Variants in GPAT4 observed in about 807,000 individuals in gnomAD.
The protein encoded by GPAT4 is 1-AGP acyltransferase 6.
GPAT4 carries 17 observed loss-of-function variants against 58.0 expected under a neutral mutation model. The ratio of observed to expected loss-of-function variants is 0.29; its 90% CI spans 0.20 to 0.44. GPAT4 has a LOEUF of 0.44. Ranked by LOEUF, GPAT4 falls within the 20% of genes least tolerant of loss-of-function variation. The pLI, the probability that GPAT4 is intolerant of heterozygous loss-of-function variation, is 1.00. For synonymous variants in GPAT4, 204 were observed against 210.1 expected, an observed-to-expected ratio of 0.97 and a Z score of 0.25; for missense variants, 377 against 574.5, an observed-to-expected ratio of 0.66 and a Z score of 3.51.
rs1375057096 is a variant in GPAT4, at chr8:41,621,012, A to G, written c.*11A>G. The G allele has an allele frequency of 6.4e-7, 1 of 1,550,612 alleles. No homozygotes were observed. Among genetic ancestry groups the G allele is most frequent in the African/African-American group, 1.4e-5 (1 of 73,048 alleles). ...AGGAGCCGCTCCTGAGCCTGCCTCCAGCTGGCTGGGGCCACCGTGCGGGGT... is the reference window on the plus strand; with the variant it reads ...AGGAGCCGCTCCTGAGCCTGCCTCCGGCTGGCTGGGGCCACCGTGCGGGGT... On this transcript the variant is annotated 3_prime_UTR_variant, in exon 13 of 13. Transcript: ENST00000396987.
chr8:41,614,914 G>A (rs373649698), intron 9 of GPAT4, 49 bp from the exon 10 acceptor site: 1 of 1,486,758 alleles, frequency 6.7e-7, no homozygotes, highest in Non-Finnish European at 9.4e-7. Flanking sequence ...CCTAATATCT[G>A]GGGTAAAGGG....
Position 41,622,152 on chromosome 8 carries a change from T to TGC in GPAT4, c.*1153_*1154dup, listed in dbSNP as rs760664491. The TGC allele has an allele frequency of 9.5e-5, 14 of 147,738 alleles. No homozygotes were observed. Among genetic ancestry groups the TGC allele is most frequent in the Non-Finnish European group, 1.9e-4 (13 of 67,476 alleles). The allele number at this position is 147,738 out of a possible 1,614,324, so 9.2% of individuals were successfully genotyped here. A position where few individuals can be genotyped will look rare whatever the true frequency, so the allele number is the denominator to read the frequency against. On this transcript the variant is annotated 3_prime_UTR_variant, in exon 13 of 13. Coordinates refer to ENST00000396987, the MANE Select transcript of GPAT4 (RefSeq NM_178819.4). The stretch of plus-strand genomic sequence containing the variant: ...TGGATTTCTCCAGAGACGGGGTGTG[T>TGC]GCGGGTCGCTGATGTGAGGCCTAGG...
intron 12 of GPAT4, 23 bp from the exon 13 acceptor site, chr8:41,620,870 A>G (rs757595338): frequency 1.0e-5 from 16 of 1,549,814 alleles, no homozygotes; most frequent in East Asian, 4.9e-5. Flanking sequence ...GGCTGTTACT[A>G]CATCCAGCCT....
chr8:41,599,348 G>C lies in GPAT4; in HGVS notation c.165+44G>C, dbSNP rs1285103825. The stretch of plus-strand genomic sequence containing the variant: ...AAAGGTTGCTTCACAGAGGAGGGTA[G>C]AAGTGCATTTAGCAAAAAGTTATTC... On this transcript the variant is annotated intron_variant, in intron 2 of 12. Transcript: ENST00000396987. The C allele has an allele frequency of 3.8e-6, 6 of 1,596,264 alleles. No homozygotes were observed. The East Asian group carries it at 1.1e-4, about 30-fold the overall frequency.
chr8:41,616,778 C>T (rs2150506340), intron 10 of GPAT4, among the ~76,000 whole-genome samples: 1 of 152,340 alleles, frequency 6.6e-6, no homozygotes, highest in Middle Eastern at 3.4e-3. Context: ...ATTTAGTCCA[C>T]AGAGTAGAGC....
chr8:41,596,104 T>G (rs1802924508), intron 1 of GPAT4, among the ~76,000 whole-genome samples: 1 of 152,194 alleles, frequency 6.6e-6, no homozygotes, highest in Non-Finnish European at 1.5e-5. Context: ...TGGCCAAACT[T>G]AGAACACAAA....
chr8:41,596,434 A>G (rs1563271769), intron 1 of GPAT4, among the ~76,000 whole-genome samples: 1 of 152,248 alleles, frequency 6.6e-6, no homozygotes, highest in Non-Finnish European at 1.5e-5. Context: ...CCGTACAGCC[A>G]TGCTGTGGGT....
rs1449350195 is a variant in GPAT4 at position 41,580,490 on chromosome 8, C to G, written c.-849+2212C>G. ...TTTCCTAGCAAAATTTATGCTATTACATTTCCTTATCTCAACAAAGACTGG... is the reference window on the plus strand; with the variant it reads ...TTTCCTAGCAAAATTTATGCTATTAGATTTCCTTATCTCAACAAAGACTGG... On this transcript the variant is annotated intron_variant, in intron 1 of 12. Transcript: ENST00000396987. Among the ~76,000 whole-genome samples the G allele has an allele frequency of 5.3e-5, 8 of 152,300 alleles. No individual in the cohort carries two copies. The South Asian group carries it at 1.0e-3, about 20-fold the overall frequency.
At chr8:41,581,692 A>G (rs1422838734) in intron 1 of GPAT4, among the ~76,000 whole-genome samples, 4 of 145,170 alleles carry the variant, frequency 2.8e-5, no homozygotes, top group African/African-American at 1.0e-4. Context: ...GCAGTGGCGC[A>G]ATCTCGGCTC....
rs1803857697 is a variant in GPAT4, at chr8:41,624,566, C to G, written c.*3565C>G. ...CTCGGCTTCTCCAGGTGCACTTGTC[C>G]CAGGTGGCCCGGTCCGTAGGCTGGA... On this transcript the variant is annotated 3_prime_UTR_variant, in exon 13 of 13. Transcript: ENST00000396987. The G allele has an allele frequency of 6.6e-6, 1 of 152,188 alleles. No individual in the cohort carries two copies. Among genetic ancestry groups the G allele is most frequent in the Non-Finnish European group, 1.5e-5 (1 of 68,068 alleles). The allele number at this position is 152,188 out of a possible 1,614,324, so 9.4% of individuals were successfully genotyped here. A position where few individuals can be genotyped will look rare whatever the true frequency, so the allele number is the denominator to read the frequency against.
chr8:41,610,011 G>T, intron 4 of GPAT4, 56 bp downstream of exon 4: 1 of 1,543,162 alleles, frequency 6.5e-7, no homozygotes, highest in Non-Finnish European at 8.7e-7. Flanking sequence ...GTGGTGCACA[G>T]CCCACCTGCC....
intron 1 of GPAT4, among the ~76,000 whole-genome samples, chr8:41,591,779 A>G (rs1311959651): frequency 6.6e-6 from 1 of 152,206 alleles, no homozygotes; most frequent in Non-Finnish European, 1.5e-5. Context: ...CTGTGTCTTC[A>G]ACTACTGGCC....
chr8:41,591,313 C>A (rs1802783694), intron 1 of GPAT4, among the ~76,000 whole-genome samples: 1 of 152,134 alleles, frequency 6.6e-6, no homozygotes, highest in Non-Finnish European at 1.5e-5. Context: ...CTGTGGATTC[C>A]ATTTCTGCCT....
In GPAT4 at chr8:41,609,499, G is replaced by A. The variant is rs1398447682; in HGVS notation, c.235+14G>A. 3.7e-6 allele frequency: 6 copies of A among 1,613,758 alleles called. No individual in the cohort carries two copies. Among genetic ancestry groups the A allele is most frequent in the Non-Finnish European group, 4.2e-6 (5 of 1,179,746 alleles). ...CCTACACCAACGGTAAGATGGGGGT[G>A]TGATCCTTGTCCTGAGAGGTCCATT... On this transcript the variant is annotated intron_variant, in intron 3 of 12. Transcript: ENST00000396987.
At chr8:41,585,248 A>G (rs553505460) in intron 1 of GPAT4, among the ~76,000 whole-genome samples, 1 of 152,304 alleles carries the variant, frequency 6.6e-6, no homozygotes, top group South Asian at 2.1e-4. Flanking sequence ...CTGACAGTAA[A>G]CTAGGAGAAA....
intron 1 of GPAT4, among the ~76,000 whole-genome samples, chr8:41,586,565 C>T (rs902034935): frequency 2.6e-5 from 4 of 152,162 alleles, no homozygotes; most frequent in African/African-American, 9.7e-5. Flanking sequence ...TACCTGCCAA[C>T]CATAGCACCA....
At chr8:41,619,606 T>C (rs1803691771) in intron 12 of GPAT4, among the ~76,000 whole-genome samples, 1 of 152,192 alleles carries the variant, frequency 6.6e-6, no homozygotes, top group Non-Finnish European at 1.5e-5. Flanking sequence ...CCAGCCCTTA[T>C]ACTAGAGTAT....
intron 2 of GPAT4, among the ~76,000 whole-genome samples, chr8:41,607,929 G>A (rs1451256318): frequency 6.6e-6 from 1 of 152,176 alleles, no homozygotes; most frequent in East Asian, 1.9e-4. Context: ...GTTTCTGCAT[G>A]CCAGGATTGT....
At chr8:41,590,844 C>CA (rs1802771318) in intron 1 of GPAT4, among the ~76,000 whole-genome samples, 1 of 152,216 alleles carries the variant, frequency 6.6e-6, no homozygotes, top group Non-Finnish European at 1.5e-5. Flanking sequence ...CTACCTCTCT[C>CA]AGCTTCCTGA....
Sources: allele counts gnomAD v4.1 joint callset (sites outside exome capture counted in the v4.1 genomes callset), GRCh38; gene constraint gnomAD v4.1.1; transcripts MANE v1.5; gene names NCBI Gene and HGNC (gene_info 2026-07-23, HGNC 2026-07-21).